The following CENPT variants were observed in gnomAD, a reference collection of about 807,000 sequenced individuals.
CENPT encodes centromere protein T.
CENPT carries 42 observed loss-of-function variants against 59.7 expected under a neutral mutation model. That is an observed-to-expected ratio of 0.70 (90% CI 0.55 to 0.91). The LOEUF is 0.91. CENPT is among the 40% of genes least tolerant of loss of function. The probability of loss-of-function intolerance (pLI) is 0.00; values close to 1 mark genes in which losing one functional copy is unlikely to be tolerated. For missense variants in CENPT, 716 were observed against 713.4 expected, an observed-to-expected ratio of 1.00 and a Z score of -0.04; for synonymous variants, 295 against 289.6, an observed-to-expected ratio of 1.02 and a Z score of -0.19.
rs956571478 is a variant in CENPT at position 67,842,549 on chromosome 16, G to T, written c.-492+4852C>A. On this transcript the variant is annotated intron_variant, in intron 1 of 15. Transcript: ENST00000562787. The surrounding 1 kb of genome is among the most constrained non-coding windows in gnomAD (Gnocchi z 4.9). Reference sequence around the variant, plus strand: ...GGTGGGCCGGGCCGGGCCGCGCGGCGCAGCCATGCCTGGCTTTACGTGCTG... The same window carrying T: ...GGTGGGCCGGGCCGGGCCGCGCGGCTCAGCCATGCCTGGCTTTACGTGCTG... The T allele has an allele frequency of 7.1e-5, 107 of 1,510,508 alleles. No individual in the cohort carries two copies. Among genetic ancestry groups the T allele is most frequent in the Non-Finnish European group, 9.0e-5 (101 of 1,124,988 alleles). The allele number at this position is 1,510,508 out of a possible 1,614,324, so 93.6% of individuals were successfully genotyped here.
In CENPT at chr16:67,832,636, G is replaced by A. The variant is rs2057704610; in HGVS notation, c.111-91C>T. 4 of 1,205,106 alleles carry A rather than the reference G, an allele frequency of 3.3e-6. No homozygotes were observed. The African/African-American group carries it at 6.0e-5, about 18-fold the overall frequency. The allele number at this position is 1,205,106 out of a possible 1,614,324, so 74.7% of individuals were successfully genotyped here. On this transcript the variant is annotated intron_variant, in intron 4 of 15. Transcript: ENST00000562787. ...CCTTCATCAGGGGTCTTGGTCTGGA[G>A]CCGTTTTCCCTCAGGGCTAGGGACC... is the stretch of plus-strand genomic sequence containing the variant.
intron 1 of CENPT, among the ~76,000 whole-genome samples, chr16:67,840,304 C>A (rs892870955): frequency 1.3e-5 from 2 of 151,804 alleles, no homozygotes; most frequent in Non-Finnish European, 2.9e-5. Context: ...GGCAACAGAG[C>A]GAGACTCCGT....
chr16:67,828,750 A>G lies in CENPT; in HGVS notation c.1374T>C (p.Ala458=). The change falls in exon 14 of 16, where the codon GCT becomes GCC. Residue 458 remains alanine (A), a synonymous_variant. Coordinates refer to ENST00000562787, the MANE Select transcript of CENPT (RefSeq NM_025082.4). ...GPRPRQDPHK[A]GLSHYVKLFS... is the part of the protein sequence containing the mutation. Reference sequence around the variant, plus strand: ...AGAGTTTCACATAGTGGCTCAGTCCAGCCTTGTGGGGATCTTGCCGGGGCC... The same window carrying G: ...AGAGTTTCACATAGTGGCTCAGTCCGGCCTTGTGGGGATCTTGCCGGGGCC... The G allele has an allele frequency of 6.2e-7, 1 of 1,612,546 alleles. No individual in the cohort carries two copies. Among genetic ancestry groups the G allele is most frequent in the East Asian group, 2.2e-5 (1 of 44,876 alleles).
rs775540258 is a variant in CENPT at position 67,830,004 on chromosome 16, C to A, written c.947G>T (p.Gly316Val). 10 of 1,614,262 alleles carry A rather than the reference C, an allele frequency of 6.2e-6. No homozygotes were observed. The highest frequency in any genetic ancestry group is 8.5e-6 in the Non-Finnish European group (10 of 1,180,046). Residue 316 changes from glycine (G) to valine (V), a missense_variant, in exon 12 of 16, where the codon GGT (glycine) becomes GTT (valine). Coordinates refer to ENST00000562787, the MANE Select transcript of CENPT (RefSeq NM_025082.4). Reference protein sequence around the residue: ...FALGFLSTSSGVSGEDEVEPL... With the variant: ...FALGFLSTSSVVSGEDEVEPL... ...CTCTACTTCATCTTCTCCAGAGACACCACTGCTGGTGCTCAGGAAGCCCAG... is the reference window on the plus strand; with the variant it reads ...CTCTACTTCATCTTCTCCAGAGACAACACTGCTGGTGCTCAGGAAGCCCAG...
chr16:67,834,192 G>A, intron 3 of CENPT, 92 bp from the exon 4 acceptor site: 1 of 260,468 alleles, frequency 3.8e-6, no homozygotes, highest in Non-Finnish European at 7.3e-6. Context: ...CGATAAGCCA[G>A]GGCACTGGTA....
chr16:67,845,737 G>A (rs1336844208), intron 1 of CENPT, among the ~76,000 whole-genome samples: 1 of 152,244 alleles, frequency 6.6e-6, no homozygotes, highest in Non-Finnish European at 1.5e-5. Flanking sequence ...AGTTCACAGA[G>A]CAAGGGAGAT....
intron 1 of CENPT, chr16:67,846,755 C>T (rs973399173): frequency 6.6e-6 from 1 of 152,448 alleles, no homozygotes; most frequent in Non-Finnish European, 1.5e-5. Context: ...CAGCCTCCCT[C>T]CCTGGCTTAG....
At chr16:67,830,254 C>G (rs773496107) in intron 11 of CENPT, 136 bp downstream of exon 11, 2 of 1,277,482 alleles carry the variant, frequency 1.6e-6, no homozygotes, top group African/African-American at 2.9e-5. Context: ...CCAACATGGA[C>G]TCTGCTCTTG....
chr16:67,832,768 GAACC>G (rs1239229425), intron 4 of CENPT, among the ~76,000 whole-genome samples: 2 of 152,260 alleles, frequency 1.3e-5, no homozygotes, highest in African/African-American at 4.8e-5. Context: ...GCATATGAGT[GAACC>G]AACCAGGAGG....
In CENPT at chr16:67,829,872, T is replaced by A. The variant is rs2057666276; in HGVS notation, c.1079A>T (p.Glu360Val). 6.2e-7 allele frequency: 1 copy of A among 1,614,222 alleles called. No homozygotes were observed. Among genetic ancestry groups the A allele is most frequent in the East Asian group, 2.2e-5 (1 of 44,880 alleles). Reference protein sequence around the residue: ...TGAQGPSRVEEAEGHTEVTEA... With the variant: ...TGAQGPSRVEVAEGHTEVTEA... ...TGTCACCTCTGTGTGTCCCTCAGCC[T>A]CTTCTACCCTGCTGGGTCCTTGTGC... The change falls in exon 12 of 16, where the codon GAG (glutamate) becomes GTG (valine). Residue 360 changes from glutamate to valine, a missense_variant. Transcript: ENST00000562787.
At chr16:67,839,569 AAAATAAAT>A (rs567428414) in intron 1 of CENPT, among the ~76,000 whole-genome samples, 58 of 151,878 alleles carry the variant, frequency 3.8e-4, no homozygotes, top group Admixed American at 1.1e-3. Context: ...AAGAAAAATA[AAAATAAAT>A]AAATAAATAA....
At chr16:67,844,462 CA>C (rs2057784234) in intron 1 of CENPT, among the ~76,000 whole-genome samples, 2 of 152,222 alleles carry the variant, frequency 1.3e-5, no homozygotes, top group South Asian at 4.1e-4. Flanking sequence ...TGTATCCTTT[CA>C]ACAAGAAGGA....
At position 67,829,432 on chromosome 16, in the gene CENPT, C is replaced by A; in HGVS notation, c.1271G>T (p.Gly424Val). 6.3e-7 allele frequency: 1 copy of A among 1,584,986 alleles called. No individual in the cohort carries two copies. The highest frequency in any genetic ancestry group is 1.2e-5 in the South Asian group (1 of 86,332). ...GGTTGTGGGATCTTACACTGCAGCA[C>A]CAGGCGCTGGGGCTGGCTCAAGAAA... ...HQFLEPAPAP[G>V]AAVLSSEPAE... Residue 424 changes from glycine to valine, a missense_variant, in exon 13 of 16, where the codon GGT becomes GTT. Coordinates refer to ENST00000562787, the MANE Select transcript of CENPT (RefSeq NM_025082.4).
chr16:67,843,133 A>G lies in CENPT; in HGVS notation c.-492+4268T>C. The G allele has an allele frequency of 1.2e-6, 2 of 1,610,016 alleles. No individual in the cohort carries two copies. On this transcript the variant is annotated intron_variant, in intron 1 of 15. Coordinates refer to ENST00000562787, the MANE Select transcript of CENPT (RefSeq NM_025082.4). The surrounding 1 kb of genome is among the most constrained non-coding windows in gnomAD (Gnocchi z 5.7). ...TGAAGCCCATCGATCTCACAGTGCA[A>G]GTGGAGTTTGCAGCCGCAGAGGGCG... is the stretch of plus-strand genomic sequence containing the variant.
chr16:67,847,082 C>G (rs998238983), intron 1 of CENPT: 8 of 146,908 alleles, frequency 5.4e-5, no homozygotes, highest in Non-Finnish European at 1.2e-4. Flanking sequence ...CGGGCGGCCC[C>G]TCCCCTCCCC....
intron 13 of CENPT, 32 bp from the exon 14 acceptor site, chr16:67,828,875 C>T (rs1207897857): frequency 1.3e-6 from 2 of 1,550,352 alleles, no homozygotes. Context: ...GGGGGCTGAA[C>T]TTGCCTCAAG....
chr16:67,842,452 C>T lies in CENPT; in HGVS notation c.-492+4949G>A, dbSNP rs578058481. 2.6e-4 allele frequency: 237 copies of T among 915,534 alleles called. 1 individual carries two copies. The African/African-American group carries it at 3.6e-3, about 14-fold the overall frequency. 56.7% of individuals were successfully genotyped at this position (915,534 alleles called of 1,614,324 possible). A position where few individuals can be genotyped will look rare whatever the true frequency, so the allele number is the denominator to read the frequency against. On this transcript the variant is annotated intron_variant, in intron 1 of 15. Transcript: ENST00000562787. The surrounding 1 kb of genome is among the most constrained non-coding windows in gnomAD (Gnocchi z 4.9). ...GGCAGTGGTGGGATACCACCCAAGG[C>T]CTCGCGCGGCGCCGCCCGTCGAGGG...
chr16:67,845,633 T>C (rs552239137), intron 1 of CENPT, among the ~76,000 whole-genome samples: 1 of 152,344 alleles, frequency 6.6e-6, no homozygotes, highest in South Asian at 2.1e-4. Context: ...TGTTTCTGCA[T>C]TGGCTCCCTT....
At chr16:67,830,148 G>T in intron 11 of CENPT, 60 bp from the exon 12 acceptor site, 1 of 1,533,644 alleles carries the variant, frequency 6.5e-7, no homozygotes, top group South Asian at 1.1e-5. Flanking sequence ...GCATAGCTCA[G>T]AGAAGGGTAA....
Sources: gnomAD v4.1 joint callset for allele counts (sites outside exome capture counted in the v4.1 genomes callset) on GRCh38, gnomAD v4.1.1 for gene constraint, Gnocchi (gnomAD v3.1) non-coding constraint, MANE v1.5 for transcripts, NCBI Gene and HGNC (gene_info 2026-07-23, HGNC 2026-07-21) for gene names.